The following EPM2A variants were observed in gnomAD, a reference collection of about 807,000 sequenced individuals.
EPM2A encodes laforin.
A neutral mutation model predicts 26.5 loss-of-function variants in EPM2A; 21 were observed. The ratio of observed to expected loss-of-function variants is 0.79; its 90% CI spans 0.56 to 1.14. The LOEUF (loss-of-function observed/expected upper bound fraction) is 1.14. EPM2A is among the 50% of genes most tolerant of loss of function. EPM2A has a pLI of 0.00. For missense variants in EPM2A, 458 were observed against 440.8 expected (o/e 1.04, Z -0.35); for synonymous variants, 217 against 177.6 (o/e 1.22, Z -1.76).
intron 2 of EPM2A, among the ~76,000 whole-genome samples, chr6:145,591,114 T>G (rs1781268355): frequency 6.6e-6 from 1 of 151,992 alleles, no homozygotes; most frequent in Admixed American, 6.6e-5. Context: ...GGTCCATCAG[T>G]AGATTGGGCA....
chr6:145,695,056 C>T (rs1376506513), intron 1 of EPM2A, among the ~76,000 whole-genome samples: 1 of 151,928 alleles, frequency 6.6e-6, no homozygotes, highest in African/African-American at 2.4e-5. Flanking sequence ...TTATCTCTAA[C>T]ATGAGAGTTA....
rs190362795 is a variant in EPM2A at position 145,493,425 on chromosome 6, A to G, written c.555+9097T>C. Among the ~76,000 whole-genome samples the G allele has an allele frequency of 6.0e-3, 921 of 152,308 alleles. 7 individuals carry two copies. The highest frequency in any genetic ancestry group is 6.2e-3 in the Non-Finnish European group (420 of 68,032). ...AATTTTCTAGATATAGGATCATGTC[A>G]TCCGCAAACAGAGATAGTTTGACTT... On this transcript the variant is annotated intron_variant, in intron 4 of 4. Coordinates refer to the EPM2A transcript ENST00000638717.
intron 2 of EPM2A, among the ~76,000 whole-genome samples, chr6:145,678,287 C>T (rs1184906820): frequency 6.6e-6 from 1 of 151,952 alleles, no homozygotes; most frequent in Admixed American, 6.6e-5. Context: ...GACCTAAAAC[C>T]ATAAAAACCC....
chr6:145,671,863 G>A (rs1779670919), intron 2 of EPM2A, among the ~76,000 whole-genome samples: 1 of 152,140 alleles, frequency 6.6e-6, no homozygotes, highest in Admixed American at 6.5e-5. Flanking sequence ...TTTCTAAACT[G>A]TAACATTTTT....
chr6:145,635,892 G>A, intron 2 of EPM2A: 1 of 207,418 alleles, frequency 4.8e-6, no homozygotes. Context: ...AATTTCAGCA[G>A]GCATTCCGGT....
chr6:145,509,791 A>G (rs919932632), intron 2 of EPM2A, among the ~76,000 whole-genome samples: 1 of 152,206 alleles, frequency 6.6e-6, no homozygotes, highest in Non-Finnish European at 1.5e-5. Flanking sequence ...ACACTGGCAA[A>G]TTGGATTTAA....
chr6:145,475,467 G>A (rs1456202291), intron 4 of EPM2A, among the ~76,000 whole-genome samples: 1 of 152,120 alleles, frequency 6.6e-6, no homozygotes. Context: ...CTGTTGATGG[G>A]TGGGAGGCTA....
intron 2 of EPM2A, among the ~76,000 whole-genome samples, chr6:145,525,247 ATTTATTT>A (rs1780255197): frequency 6.7e-6 from 1 of 149,326 alleles, no homozygotes; most frequent in South Asian, 2.1e-4. Flanking sequence ...TTATTTATTT[ATTTATTT>A]ATTTTTTGCT....
intron 2 of EPM2A, among the ~76,000 whole-genome samples, chr6:145,590,572 G>A (rs1781259685): frequency 6.6e-6 from 1 of 152,034 alleles, no homozygotes; most frequent in East Asian, 1.9e-4. Flanking sequence ...CATCTACAGG[G>A]TCCCTATATA....
At chr6:145,514,411 T>A (rs770888973) in intron 2 of EPM2A, among the ~76,000 whole-genome samples, 2 of 152,084 alleles carry the variant, frequency 1.3e-5, no homozygotes, top group Non-Finnish European at 2.9e-5. Context: ...ATGGGGAGTA[T>A]GCTGGGAATG....
intron 4 of EPM2A, among the ~76,000 whole-genome samples, chr6:145,477,365 C>A (rs190788485): frequency 6.6e-6 from 1 of 151,846 alleles, no homozygotes; most frequent in East Asian, 1.9e-4. Flanking sequence ...AGAACTAATA[C>A]CAATCCTACT....
chr6:145,556,514 C>A (rs1289869554), intron 2 of EPM2A, among the ~76,000 whole-genome samples: 3 of 152,034 alleles, frequency 2.0e-5, no homozygotes, highest in Non-Finnish European at 2.9e-5. Context: ...ATTTAGAGCT[C>A]TGGGAAGTGA....
intron 2 of EPM2A, among the ~76,000 whole-genome samples, chr6:145,540,564 A>C (rs1225917811): frequency 3.3e-5 from 5 of 152,186 alleles, no homozygotes; most frequent in Non-Finnish European, 5.9e-5. Context: ...AAAGGATCTT[A>C]CCGTTGCACA....
chr6:145,388,260 CAA>C (rs1778289531), intron 4 of EPM2A, among the ~76,000 whole-genome samples: 1 of 152,160 alleles, frequency 6.6e-6, no homozygotes, highest in Admixed American at 6.6e-5. Flanking sequence ...GTTCTCAAAA[CAA>C]CCTGTGAAGA....
At chr6:145,540,646 T>C (rs915216386) in intron 2 of EPM2A, among the ~76,000 whole-genome samples, 1 of 152,222 alleles carries the variant, frequency 6.6e-6, no homozygotes, top group South Asian at 2.1e-4. Context: ...AACTCAGTGA[T>C]AAGTAAAGAA....
intron 4 of EPM2A, among the ~76,000 whole-genome samples, chr6:145,401,164 G>A (rs2065981): frequency 0.38 from 57,064 of 151,680 alleles, 10,990 homozygotes; most frequent in South Asian, 0.46. Flanking sequence ...CTATGAAAAC[G>A]GGTAGGGGGA....
chr6:145,385,691 C>T (rs1006100512), intron 4 of EPM2A, among the ~76,000 whole-genome samples: 10 of 152,090 alleles, frequency 6.6e-5, no homozygotes, highest in Non-Finnish European at 1.2e-4. Context: ...ACTTTCCAGT[C>T]TTAAAAAACC....
intron 4 of EPM2A, among the ~76,000 whole-genome samples, chr6:145,493,714 A>G (rs1438083976): frequency 1.3e-5 from 2 of 152,204 alleles, no homozygotes; most frequent in Admixed American, 6.5e-5. Context: ...GTAAAATTTT[A>G]TCAAAAGCCA....
In EPM2A at chr6:145,707,516, T is replaced by C. The variant is rs563895665; in HGVS notation, c.302-21220A>G. ...ATGAGAGGAACCTGGTGGGAGGTAA[T>C]TGAATCATGGGGGTGGGTTTTTCCC... On this transcript the variant is annotated intron_variant, in intron 1 of 3. Coordinates refer to ENST00000367519, the MANE Select transcript of EPM2A (RefSeq NM_005670.4). Among the ~76,000 whole-genome samples the C allele has an allele frequency of 3.9e-5, 6 of 152,292 alleles. No homozygotes were observed. In the South Asian group the frequency reaches 8.3e-4, roughly 21 times the overall value.
Sources: allele counts gnomAD v4.1 joint callset (sites outside exome capture counted in the v4.1 genomes callset), GRCh38; gene constraint gnomAD v4.1.1; transcripts MANE v1.5; gene names NCBI Gene and HGNC (gene_info 2026-07-23, HGNC 2026-07-21).